Variants in ARB2A observed in about 807,000 individuals in gnomAD.
The protein encoded by ARB2A is ARB2 cotranscriptional regulator A.
the ARB2A span, among the ~76,000 whole-genome samples, chr5:93,986,881 AG>A: frequency 6.6e-6 from 1 of 152,160 alleles, no homozygotes; most frequent in Non-Finnish European, 1.5e-5. Flanking sequence ...ACACTGCAGA[AG>A]GCCGCAGGGT....
At chr5:93,978,956 G>A in the ARB2A span, among the ~76,000 whole-genome samples, 1 of 151,950 alleles carries the variant, frequency 6.6e-6, no homozygotes, top group Non-Finnish European at 1.5e-5. Flanking sequence ...TAACAGAGTA[G>A]GGCAATTATG....
At chr5:94,011,694 G>A in the ARB2A span, among the ~76,000 whole-genome samples, 1 of 152,066 alleles carries the variant, frequency 6.6e-6, no homozygotes, top group East Asian at 1.9e-4. Context: ...GGGTGGAGTA[G>A]AAAAACGATA....
At chr5:93,724,621 T>C in the ARB2A span, among the ~76,000 whole-genome samples, 3 of 152,030 alleles carry the variant, frequency 2.0e-5, no homozygotes, top group Non-Finnish European at 4.4e-5. Context: ...GATGAAACTG[T>C]TTTTGTGAGA....
At chr5:93,917,040 T>C in the ARB2A span, among the ~76,000 whole-genome samples, 31 of 152,188 alleles carry the variant, frequency 2.0e-4, 1 homozygote, top group Admixed American at 2.0e-3. Context: ...CTTTCCCTTC[T>C]TATAGTATCT....
chr5:93,762,831 C>T, the ARB2A span, among the ~76,000 whole-genome samples: 2 of 152,134 alleles, frequency 1.3e-5, no homozygotes, highest in Non-Finnish European at 2.9e-5. Context: ...AAGGGAAGCC[C>T]ATCAGACTAA....
At chr5:93,691,468 A>C in the ARB2A span, among the ~76,000 whole-genome samples, 1 of 152,198 alleles carries the variant, frequency 6.6e-6, no homozygotes, top group South Asian at 2.1e-4. Flanking sequence ...CATGAAGACA[A>C]GATTAGAGAA....
chr5:93,621,718 G>A, the ARB2A span, among the ~76,000 whole-genome samples: 1 of 152,238 alleles, frequency 6.6e-6, no homozygotes, highest in Non-Finnish European at 1.5e-5. Context: ...TGTGCTGTTA[G>A]ACACAATTAC....
At chr5:93,795,704 G>GAGATCA in the ARB2A span, among the ~76,000 whole-genome samples, 1 of 152,078 alleles carries the variant, frequency 6.6e-6, no homozygotes, top group Non-Finnish European at 1.5e-5. Flanking sequence ...TAATAGCTAA[G>GAGATCA]AGATCAAGTA....
the ARB2A span, chr5:93,805,923 GTGAAATATATAGACTCTTC>G: frequency 2.0e-6 from 2 of 984,948 alleles, no homozygotes; most frequent in Admixed American, 6.2e-5. Flanking sequence ...ATGAGTTGCT[GTGAAATATATAGACTCTTC>G]TGATTTCTGA....
At chr5:93,861,396 C>T in the ARB2A span, 1 of 150,490 alleles carries the variant, frequency 6.6e-6, no homozygotes, top group Non-Finnish European at 1.5e-5. Context: ...CCTGGATTTT[C>T]CACTTCACCC....
the ARB2A span, among the ~76,000 whole-genome samples, chr5:93,712,937 C>G: frequency 6.6e-6 from 1 of 152,028 alleles, no homozygotes; most frequent in African/African-American, 2.4e-5. Context: ...ACAAAGGTGC[C>G]AAGAACATAC....
the ARB2A span, among the ~76,000 whole-genome samples, chr5:94,040,403 T>C: frequency 1.3e-5 from 2 of 151,986 alleles, no homozygotes; most frequent in African/African-American, 2.4e-5. Flanking sequence ...GTACACAACG[T>C]GCAGGTTTGT....
the ARB2A span, among the ~76,000 whole-genome samples, chr5:93,719,502 C>A: frequency 6.6e-6 from 1 of 152,186 alleles, no homozygotes; most frequent in Admixed American, 6.5e-5. Flanking sequence ...CAAAACAGAA[C>A]TGGGGAGAAC....
At chr5:93,770,751 G>A in the ARB2A span, among the ~76,000 whole-genome samples, 3,779 of 152,228 alleles carry the variant, frequency 0.025, 78 homozygotes, top group Non-Finnish European at 0.04. Flanking sequence ...TACAAGGGAC[G>A]TGAAGGACCT....
At chr5:93,945,394 G>A in the ARB2A span, among the ~76,000 whole-genome samples, 21 of 141,644 alleles carry the variant, frequency 1.5e-4, no homozygotes, top group Admixed American at 6.7e-4. Context: ...CAGCCTGGGC[G>A]ACAGAGCAAG....
the ARB2A span, among the ~76,000 whole-genome samples, chr5:93,987,403 T>C: frequency 6.6e-6 from 1 of 152,218 alleles, no homozygotes; most frequent in African/African-American, 2.4e-5. Context: ...AAAGAGACTA[T>C]GATATGAATG....
At chr5:93,785,333 C>T in the ARB2A span, among the ~76,000 whole-genome samples, 1 of 152,086 alleles carries the variant, frequency 6.6e-6, no homozygotes, top group Non-Finnish European at 1.5e-5. Context: ...ATCATAAATA[C>T]TAACCTTGCA....
the ARB2A span, among the ~76,000 whole-genome samples, chr5:93,991,430 G>A: frequency 3.3e-5 from 5 of 151,952 alleles, no homozygotes; most frequent in Non-Finnish European, 5.9e-5. Context: ...ACAGGAAAAC[G>A]TGATTCATAA....
the ARB2A span, among the ~76,000 whole-genome samples, chr5:93,667,436 C>T: frequency 6.6e-6 from 1 of 152,100 alleles, no homozygotes; most frequent in African/African-American, 2.4e-5. Context: ...TTGATAGATG[C>T]CCACTGTTGA....
Sources: gnomAD v4.1 joint callset for allele counts (sites outside exome capture counted in the v4.1 genomes callset) on GRCh38, gnomAD v4.1.1 for gene constraint, MANE v1.5 for transcripts, NCBI Gene and HGNC (gene_info 2026-07-23, HGNC 2026-07-21) for gene names.